Variants in KATNAL2 observed in about 807,000 individuals in gnomAD.
KATNAL2 encodes katanin p60 ATPase-containing subunit A-like 2.
Under a neutral mutation model 76.3 loss-of-function variants are expected in KATNAL2, and 52 were observed. The observed-to-expected ratio is 0.68, with a 90% confidence interval of 0.55 to 0.86. The LOEUF (loss-of-function observed/expected upper bound fraction) is 0.86, where lower values mean the gene tolerates loss of function less well. Among genes scored for constraint, KATNAL2 ranks in the 40% least tolerant of loss-of-function variants. The pLI, the probability that KATNAL2 is intolerant of heterozygous loss-of-function variation, is 0.00. For missense variants in KATNAL2, 660 were observed against 668.9 expected (o/e 0.99, Z 0.15); for synonymous variants, 243 against 244.2 (o/e 1.00, Z 0.05).
intron 1 of KATNAL2, 43 bp from the exon 2 acceptor site, chr18:46,946,014 G>A (rs1233936269): frequency 5.8e-6 from 1 of 172,026 alleles, no homozygotes; most frequent in Non-Finnish European, 1.2e-5. Context: ...TGGGAGAAAG[G>A]TGATTCAGTT....
At chr18:46,945,855 T>C (rs1035633696) in intron 1 of KATNAL2, among the ~76,000 whole-genome samples, 2 of 152,284 alleles carry the variant, frequency 1.3e-5, no homozygotes, top group Middle Eastern at 3.4e-3. Context: ...TATTAAATAA[T>C]CTGTAATCGG....
intron 15 of KATNAL2, chr18:47,084,405 C>T (rs1180057617): frequency 1.4e-6 from 1 of 702,758 alleles, no homozygotes; most frequent in Non-Finnish European, 2.6e-6. Flanking sequence ...ATTGTGCCTT[C>T]ACTAGATCAA....
At chr18:47,093,969 T>A (rs2063118344) in intron 15 of KATNAL2, among the ~76,000 whole-genome samples, 1 of 152,270 alleles carries the variant, frequency 6.6e-6, no homozygotes, top group Admixed American at 6.5e-5. Flanking sequence ...TTTGCTGTAG[T>A]CTGAATGTGT....
chr18:47,033,064 T>A, intron 3 of KATNAL2: 1 of 1,614,142 alleles, frequency 6.2e-7, no homozygotes, highest in Non-Finnish European at 8.5e-7. Flanking sequence ...CGGGGCCACT[T>A]TCTTGGCAGC....
chr18:46,959,305 C>CG (rs1333905957), intron 3 of KATNAL2, among the ~76,000 whole-genome samples: 1 of 152,206 alleles, frequency 6.6e-6, no homozygotes, highest in Non-Finnish European at 1.5e-5. Flanking sequence ...AGATTAACCC[C>CG]TTCAATTCTG....
intron 13 of KATNAL2, among the ~76,000 whole-genome samples, chr18:47,071,128 T>C (rs1053496475): frequency 6.6e-6 from 1 of 152,210 alleles, no homozygotes; most frequent in Non-Finnish European, 1.5e-5. Context: ...GACTCCCCAG[T>C]AGCTGAGACT....
chr18:46,937,122 G>A (rs948033657), intron 1 of KATNAL2, among the ~76,000 whole-genome samples: 9 of 152,134 alleles, frequency 5.9e-5, no homozygotes, highest in African/African-American at 2.2e-4. Context: ...GTTCTGATGA[G>A]GTGTTAGAAA....
At chr18:46,957,200 T>C (rs2059777836) in intron 3 of KATNAL2, among the ~76,000 whole-genome samples, 1 of 150,216 alleles carries the variant, frequency 6.7e-6, no homozygotes, top group Admixed American at 6.7e-5. Flanking sequence ...TGTTTCGGGG[T>C]GAGACTAACG....
chr18:47,039,824 C>T (rs2060903487), intron 3 of KATNAL2, among the ~76,000 whole-genome samples: 1 of 152,182 alleles, frequency 6.6e-6, no homozygotes. Flanking sequence ...ATTACTATCC[C>T]TAATATTGGC....
chr18:47,101,027 G>A lies in KATNAL2; in HGVS notation c.*22G>A, dbSNP rs1206152808. The A allele has an allele frequency of 1.9e-6, 3 of 1,612,488 alleles. No individual in the cohort carries two copies. In the African/African-American group the frequency reaches 4.0e-5, roughly 22 times the overall value. The stretch of plus-strand genomic sequence containing the variant: ...CTGAAACCACATTTACCCTGACCTG[G>A]CCACAAAGGCAACCACAAAGACCTC... On this transcript the variant is annotated 3_prime_UTR_variant, in exon 18 of 18. Coordinates refer to ENST00000683218, the MANE Select transcript of KATNAL2 (RefSeq NM_001387690.1).
intron 1 of KATNAL2, among the ~76,000 whole-genome samples, chr18:46,928,898 C>G (rs996669515): frequency 2.6e-5 from 4 of 152,052 alleles, no homozygotes; most frequent in Non-Finnish European, 5.9e-5. Flanking sequence ...AGAGTTCAAG[C>G]AATTTTCCTG....
intron 3 of KATNAL2, chr18:47,035,660 G>T (rs1010193121): frequency 1.6e-5 from 6 of 381,708 alleles, no homozygotes; most frequent in Non-Finnish European, 5.0e-6. Flanking sequence ...TACTCATGCC[G>T]TCAGCACAAT....
At chr18:46,922,988 A>T (rs1256464018) in intron 1 of KATNAL2, among the ~76,000 whole-genome samples, 1 of 148,662 alleles carries the variant, frequency 6.7e-6, no homozygotes, top group Non-Finnish European at 1.5e-5. Context: ...ACTTCAGTCC[A>T]TATAGAAAAA....
At chr18:47,064,812 C>T (rs184782756) in intron 10 of KATNAL2, among the ~76,000 whole-genome samples, 3 of 152,216 alleles carry the variant, frequency 2.0e-5, no homozygotes, top group African/African-American at 4.8e-5. Context: ...CTTACAGTGA[C>T]GGAGAGCTCA....
At chr18:47,058,006 TG>T (rs1053684398) in intron 6 of KATNAL2, among the ~76,000 whole-genome samples, 1 of 152,024 alleles carries the variant, frequency 6.6e-6, no homozygotes, top group African/African-American at 2.4e-5. Flanking sequence ...GAGGGTGAGT[TG>T]GGGGGCTCGA....
chr18:47,091,626 G>T (rs1304489270), intron 15 of KATNAL2, among the ~76,000 whole-genome samples: 1 of 152,140 alleles, frequency 6.6e-6, no homozygotes, highest in Non-Finnish European at 1.5e-5. Context: ...TCAGAGAGTT[G>T]CACTTATTTT....
At chr18:46,931,312 G>T (rs1170788247) in intron 1 of KATNAL2, among the ~76,000 whole-genome samples, 1 of 150,510 alleles carries the variant, frequency 6.6e-6, no homozygotes, top group African/African-American at 2.4e-5. Context: ...AATAAAAAAA[G>T]AAATAAATCA....
intron 15 of KATNAL2, among the ~76,000 whole-genome samples, chr18:47,081,280 T>C (rs2062507559): frequency 6.6e-6 from 1 of 152,184 alleles, no homozygotes; most frequent in Non-Finnish European, 1.5e-5. Context: ...CTAATAGAAA[T>C]ATAATAGAAA....
At chr18:46,961,140 G>C (rs2059929461) in intron 3 of KATNAL2, among the ~76,000 whole-genome samples, 1 of 152,210 alleles carries the variant, frequency 6.6e-6, no homozygotes, top group Admixed American at 6.5e-5. Flanking sequence ...TTTAGGTCAG[G>C]GGTAGATTTT....
Sources: gnomAD v4.1 joint callset for allele counts (sites outside exome capture counted in the v4.1 genomes callset) on GRCh38, gnomAD v4.1.1 for gene constraint, MANE v1.5 for transcripts, NCBI Gene and HGNC (gene_info 2026-07-23, HGNC 2026-07-21) for gene names.